The following SMS variants were observed in gnomAD, a reference collection of about 807,000 sequenced individuals.
The protein encoded by SMS is spermine synthase.
In SMS, 3 loss-of-function variants were observed where a neutral mutation model predicts 33.0. The observed-to-expected ratio is 0.09, with a 90% CI of 0.04 to 0.23. The LOEUF (loss-of-function observed/expected upper bound fraction) is 0.23. SMS is among the 10% of genes least tolerant of loss of function. The probability of loss-of-function intolerance (pLI) is 1.00; values close to 1 mark genes in which losing one functional copy is unlikely to be tolerated. For missense variants in SMS, 117 were observed against 288.6 expected (o/e 0.41, Z 4.31); for synonymous variants, 103 against 112.2 (o/e 0.92, Z 0.52).
At chrX:21,953,355 T>C (rs1922748159) in intron 1 of SMS, among the ~76,000 whole-genome samples, 1 of 111,143 alleles carries the variant, frequency 9.0e-6, no homozygotes, top group Non-Finnish European at 1.9e-5. Context: ...AAGACAGTTA[T>C]TCAGTTAATT....
At chrX:21,954,824 T>G (rs1922863750) in intron 1 of SMS, among the ~76,000 whole-genome samples, 1 of 111,841 alleles carries the variant, frequency 8.9e-6, no homozygotes, top group Non-Finnish European at 1.9e-5. Context: ...GCATAGATGC[T>G]CAGACAGAAC....
At chrX:21,959,914 C>A (rs1467981810) in intron 1 of SMS, 1 of 752,537 alleles carries the variant, frequency 1.3e-6, no homozygotes, top group Non-Finnish European at 1.6e-6. Flanking sequence ...GAGTGCAGAT[C>A]CCTGAAAGGA....
chrX:21,943,141 C>T (rs1218768108), intron 1 of SMS, among the ~76,000 whole-genome samples: 4 of 111,898 alleles, frequency 3.6e-5, no homozygotes, highest in South Asian at 3.6e-4. Context: ...GCCACCGTGC[C>T]GGTGTGTCCA....
intron 7 of SMS, 112 bp downstream of exon 7, chrX:21,979,078 C>T: frequency 1.8e-6 from 1 of 550,455 alleles, no homozygotes; most frequent in Non-Finnish European, 3.2e-6. Flanking sequence ...AAGATAAATA[C>T]ATCATCTGTC....
At chrX:21,961,027 T>C (rs997710105) in intron 1 of SMS, among the ~76,000 whole-genome samples, 2 of 102,188 alleles carry the variant, frequency 2.0e-5, no homozygotes, top group African/African-American at 7.5e-5. Flanking sequence ...GAATATTATA[T>C]GCATGTCTTT....
intron 1 of SMS, among the ~76,000 whole-genome samples, chrX:21,966,578 G>A (rs985469444): frequency 3.6e-5 from 4 of 111,030 alleles, no homozygotes; most frequent in African/African-American, 6.6e-5. Context: ...TGGGGAGACC[G>A]ACAAGCCAGC....
intron 1 of SMS, among the ~76,000 whole-genome samples, chrX:21,965,045 C>T (rs1378705469): frequency 1.8e-5 from 2 of 111,353 alleles, no homozygotes; most frequent in Non-Finnish European, 3.8e-5. Flanking sequence ...TCACTCCAAT[C>T]TCTGCCTCCG....
At chrX:21,971,592 C>G (rs1047073763) in intron 2 of SMS, among the ~76,000 whole-genome samples, 7 of 112,043 alleles carry the variant, frequency 6.2e-5, no homozygotes, top group Non-Finnish European at 1.1e-4. Flanking sequence ...CTAAACCTGG[C>G]AAAATTACCT....
intron 2 of SMS, among the ~76,000 whole-genome samples, chrX:21,969,922 C>T (rs1468497587): frequency 8.9e-6 from 1 of 112,764 alleles, no homozygotes; most frequent in African/African-American, 3.2e-5. Context: ...TCAAACAGTT[C>T]TCCACCTCAG....
intron 7 of SMS, among the ~76,000 whole-genome samples, chrX:21,979,241 G>A (rs756237107): frequency 1.0e-4 from 11 of 109,519 alleles, no homozygotes; most frequent in African/African-American, 3.0e-4. Flanking sequence ...GAATGTACAG[G>A]TTTGTTACAT....
intron 1 of SMS, among the ~76,000 whole-genome samples, chrX:21,964,368 T>G (rs1440491197): frequency 1.8e-5 from 2 of 111,149 alleles, no homozygotes; most frequent in African/African-American, 6.6e-5. Flanking sequence ...CTCTTTCATT[T>G]TGGCCATCTG....
intron 7 of SMS, among the ~76,000 whole-genome samples, chrX:21,980,658 A>G (rs935761024): frequency 9.1e-6 from 1 of 110,185 alleles, no homozygotes; most frequent in Admixed American, 9.8e-5. Context: ...GAGGATGCCT[A>G]TTATCTTTTT....
chrX:21,972,058 T>G (rs1924198280), intron 3 of SMS, 68 bp downstream of exon 3: 2 of 716,212 alleles, frequency 2.8e-6, no homozygotes, highest in Admixed American at 4.6e-5. Context: ...AGTGTTAAAA[T>G]AATGTTCTCT....
chrX:21,979,911 G>A (rs370816681), intron 7 of SMS, among the ~76,000 whole-genome samples: 70 of 102,717 alleles, frequency 6.8e-4, no homozygotes, highest in African/African-American at 2.5e-3. Flanking sequence ...TCCAGCTTGG[G>A]CTGCAGAGCG....
chrX:21,987,080 C>T (rs931319455), intron 9 of SMS, among the ~76,000 whole-genome samples: 1 of 107,124 alleles, frequency 9.3e-6, no homozygotes, highest in Non-Finnish European at 1.9e-5. Flanking sequence ...ACCGCAACCT[C>T]CACCTCCTGG....
chrX:21,979,626 C>T (rs1195961306), intron 7 of SMS, among the ~76,000 whole-genome samples: 1 of 111,042 alleles, frequency 9.0e-6, no homozygotes, highest in African/African-American at 3.3e-5. Context: ...GGGTTGGTTC[C>T]AAGTCTTTGC....
intron 1 of SMS, among the ~76,000 whole-genome samples, chrX:21,962,282 G>A (rs770717728): frequency 1.1e-4 from 12 of 112,164 alleles, no homozygotes; most frequent in African/African-American, 3.9e-4. Context: ...AGTCTGATTT[G>A]TTGGGTCATT....
intron 9 of SMS, among the ~76,000 whole-genome samples, chrX:21,987,763 T>C (rs1186187770): frequency 1.8e-5 from 2 of 112,437 alleles, no homozygotes; most frequent in African/African-American, 3.2e-5. Flanking sequence ...AACTAGTCAG[T>C]CTGTAGTACA....
intron 8 of SMS, 123 bp downstream of exon 8, chrX:21,984,541 T>G (rs1470085482): frequency 1.9e-6 from 1 of 528,252 alleles, no homozygotes; most frequent in Non-Finnish European, 3.3e-6. Flanking sequence ...TAAATTGAGG[T>G]CCATGGTGGA....
Sources: allele counts gnomAD v4.1 joint callset (sites outside exome capture counted in the v4.1 genomes callset), GRCh38; gene constraint gnomAD v4.1.1; transcripts MANE v1.5; gene names NCBI Gene and HGNC (gene_info 2026-07-23, HGNC 2026-07-21).